Variants in ZNF800 observed in about 807,000 individuals in gnomAD.
ZNF800 encodes zinc finger protein 800.
Under a neutral mutation model 59.5 loss-of-function variants are expected in ZNF800, and 13 were observed. That is an observed-to-expected ratio of 0.22 (90% CI 0.14 to 0.35). ZNF800 has a LOEUF of 0.35. Ranked by LOEUF, ZNF800 falls within the 10% of genes least tolerant of loss-of-function variation. The probability of loss-of-function intolerance (pLI) is 1.00; values close to 1 mark genes in which losing one functional copy is unlikely to be tolerated. For missense variants in ZNF800, 621 were observed against 783.7 expected (o/e 0.79, Z 2.48); for synonymous variants, 266 against 265.7 (o/e 1.00, Z -0.01).
rs776985561 is a variant in ZNF800, at chr7:127,373,416, A to G, written c.1920T>C (p.His640=). Residue 640 remains histidine (H), a synonymous_variant, in exon 5 of 6, where the codon CAT becomes CAC. Transcript: ENST00000265827. ...CAGGTGAATTGGAAGCATTTGCCTT[A>G]TGAGTTTTCTTATGATGTTCAAGGT... is the stretch of plus-strand genomic sequence containing the variant. ...KTYLEHHKKT[H]KANASNSPEG... The G allele has an allele frequency of 8.7e-6, 14 of 1,613,972 alleles. No homozygotes were observed. In the South Asian group the frequency reaches 1.5e-4, roughly 18 times the overall value.
chr7:127,345,025 T>C (rs1800031862), downstream of ZNF800, among the ~76,000 whole-genome samples: 1 of 152,190 alleles, frequency 6.6e-6, no homozygotes, highest in South Asian at 2.1e-4. Context: ...TGGATTAAAT[T>C]GATAGATATC....
intron 2 of ZNF800, among the ~76,000 whole-genome samples, chr7:127,387,449 T>A (rs191744356): frequency 2.0e-4 from 30 of 152,368 alleles, no homozygotes; most frequent in Non-Finnish European, 3.8e-4. Context: ...CTGTGCTATG[T>A]ATATAGATAC....
rs1258339987 is a variant in ZNF800 at position 127,378,814 on chromosome 7, TTTAC to T, written c.158-1489_158-1486del. 3.0e-4 allele frequency among the ~76,000 whole-genome samples: 45 copies of T among 152,086 alleles called. 1 individual carries two copies. Among genetic ancestry groups the T allele is most frequent in the African/African-American group, 1.1e-3 (45 of 41,484 alleles). On this transcript the variant is annotated intron_variant, in intron 3 of 5. Transcript: ENST00000265827. The stretch of plus-strand genomic sequence containing the variant: ...AAAAAAGTTACCAGGTTATCACAAC[TTTAC>T]TAAGTCTTGAGAGATTCCAAATCTG...
Position 127,392,199 on chromosome 7 carries a change from G to C in ZNF800, c.-198C>G, listed in dbSNP as rs929871479. 13 of 394,720 alleles carry C rather than the reference G, an allele frequency of 3.3e-5. No homozygotes were observed. The highest frequency in any genetic ancestry group is 6.2e-5 in the African/African-American group (3 of 48,402). 24.5% of individuals were successfully genotyped at this position (394,720 alleles called of 1,614,324 possible). A position where few individuals can be genotyped will look rare whatever the true frequency, so the allele number is the denominator to read the frequency against. On this transcript the variant is annotated 5_prime_UTR_variant, in exon 1 of 6. Coordinates refer to ENST00000265827, the MANE Select transcript of ZNF800 (RefSeq NM_176814.5). ...TGACCACGCGGGGGAACCCGGACTC[G>C]GGCCCGACGCGCTCCCAAAGAGTCC... is the stretch of plus-strand genomic sequence containing the variant.
At chr7:127,388,860 C>G (rs1327049452) in intron 2 of ZNF800, among the ~76,000 whole-genome samples, 2 of 152,148 alleles carry the variant, frequency 1.3e-5, no homozygotes, top group African/African-American at 2.4e-5. Flanking sequence ...CACTTGAAAA[C>G]ATACTCTCAA....
intron 5 of ZNF800, chr7:127,373,043 T>C (rs770424919): frequency 3.5e-5 from 34 of 985,032 alleles, no homozygotes; most frequent in Non-Finnish European, 3.9e-5. Context: ...TAAGCCAATA[T>C]AAATGTATAT....
At chr7:127,344,555 A>G (rs1354994259), downstream of ZNF800, among the ~76,000 whole-genome samples, 1 of 152,114 alleles carries the variant, frequency 6.6e-6, no homozygotes, top group African/African-American at 2.4e-5. Context: ...ATGAAAAAAT[A>G]TAGCCAAAAA....
Position 127,371,673 on chromosome 7 carries a change from C to CA in ZNF800, c.*140dup. On this transcript the variant is annotated 3_prime_UTR_variant, in exon 6 of 6. Coordinates refer to ENST00000265827, the MANE Select transcript of ZNF800 (RefSeq NM_176814.5). ...GATGGTTATTTTAGTCAGAAAACAGCAGTTATAGTTGAATATTTAGAAAAA... is the reference window on the plus strand; with the variant it reads ...GATGGTTATTTTAGTCAGAAAACAGCAAGTTATAGTTGAATATTTAGAAAAA... 2 of 543,076 alleles carry CA rather than the reference C, an allele frequency of 3.7e-6. No individual in the cohort carries two copies. The highest frequency in any genetic ancestry group is 3.3e-6 in the Non-Finnish European group (1 of 300,582). 33.6% of individuals were successfully genotyped at this position (543,076 alleles called of 1,614,324 possible).
At chr7:127,381,522 A>G (rs1222938877) in intron 3 of ZNF800, among the ~76,000 whole-genome samples, 4 of 152,110 alleles carry the variant, frequency 2.6e-5, no homozygotes, top group African/African-American at 7.2e-5. Context: ...GACAGTGCCT[A>G]CTTGGGGAAT....
intron 1 of ZNF800, among the ~76,000 whole-genome samples, chr7:127,353,802 T>C (rs560277984): frequency 1.3e-5 from 2 of 151,798 alleles, no homozygotes; most frequent in African/African-American, 4.8e-5. Flanking sequence ...GCTCTATTTT[T>C]CTCTGAAAGT....
chr7:127,376,029 ATAAC>A (rs1297305455), intron 4 of ZNF800, among the ~76,000 whole-genome samples: 3 of 152,028 alleles, frequency 2.0e-5, no homozygotes, highest in African/African-American at 7.2e-5. Context: ...TAAAAAATAA[ATAAC>A]TACCAAAAGA....
intron 1 of ZNF800, chr7:127,363,375 A>T (rs928956087): frequency 6.6e-6 from 1 of 152,084 alleles, no homozygotes; most frequent in Non-Finnish European, 1.5e-5. Context: ...ACCTTAATCC[A>T]TATTTGAAGA....
intron 1 of ZNF800, chr7:127,360,351 A>G (rs908044184): frequency 1.3e-5 from 2 of 152,170 alleles, no homozygotes; most frequent in African/African-American, 4.8e-5. Context: ...TTACCAAAGT[A>G]CAGAACTCCT....
rs1482528877 is a variant in ZNF800, at chr7:127,370,303, A to G, written c.*1511T>C. On this transcript the variant is annotated 3_prime_UTR_variant, in exon 6 of 6. Transcript: ENST00000265827. ...TAGTCACTGAATAAGTTTAAATTTGATAATAAAACATTTAAGTTTCAACCA... is the reference window on the plus strand; with the variant it reads ...TAGTCACTGAATAAGTTTAAATTTGGTAATAAAACATTTAAGTTTCAACCA... The G allele has an allele frequency of 6.6e-6, 1 of 152,540 alleles. No individual in the cohort carries two copies. The highest frequency in any genetic ancestry group is 2.4e-5 in the African/African-American group (1 of 41,458). The allele number at this position is 152,540 out of a possible 1,614,324, so 9.4% of individuals were successfully genotyped here.
chr7:127,353,148 A>G (rs1161066191), intron 1 of ZNF800, among the ~76,000 whole-genome samples: 5 of 152,218 alleles, frequency 3.3e-5, no homozygotes, highest in African/African-American at 1.2e-4. Flanking sequence ...CTTTTACCAA[A>G]GAATAAATAT....
chr7:127,357,935 A>G (rs911028889), intron 1 of ZNF800, among the ~76,000 whole-genome samples: 3 of 151,986 alleles, frequency 2.0e-5, no homozygotes, highest in African/African-American at 4.8e-5. Flanking sequence ...CCTAAATTAC[A>G]TAATAAATGA....
intron 3 of ZNF800, among the ~76,000 whole-genome samples, chr7:127,382,626 G>C (rs1414830861): frequency 2.6e-5 from 4 of 152,104 alleles, no homozygotes; most frequent in Admixed American, 2.6e-4. Context: ...CAATCATCAG[G>C]AATTTCCAAG....
intron 2 of ZNF800, among the ~76,000 whole-genome samples, chr7:127,388,188 T>C (rs1801197516): frequency 2.6e-5 from 4 of 152,336 alleles, no homozygotes; most frequent in Middle Eastern, 3.4e-3. Context: ...TAAAACAGCC[T>C]GGGACATAGT....
At chr7:127,386,529 G>T (rs1201759684) in intron 2 of ZNF800, among the ~76,000 whole-genome samples, 1 of 152,172 alleles carries the variant, frequency 6.6e-6, no homozygotes, top group East Asian at 1.9e-4. Context: ...TAAGGCAATG[G>T]TGGCCTAGCC....
Sources: allele counts gnomAD v4.1 joint callset (sites outside exome capture counted in the v4.1 genomes callset), GRCh38; gene constraint gnomAD v4.1.1; transcripts MANE v1.5; gene names NCBI Gene and HGNC (gene_info 2026-07-23, HGNC 2026-07-21).